Variants in CD47 observed in about 807,000 individuals in gnomAD.
CD47 encodes leukocyte surface antigen CD47.
In CD47, 11 loss-of-function variants were observed where a neutral mutation model predicts 44.6. That is an observed-to-expected ratio of 0.25 (90% CI 0.16 to 0.41). The LOEUF (loss-of-function observed/expected upper bound fraction) is 0.41. Ranked by LOEUF, CD47 falls within the 10% of genes least tolerant of loss-of-function variation. The pLI is 1.00. For synonymous variants in CD47, 140 were observed against 136.3 expected (o/e 1.03, Z -0.19); for missense variants, 306 against 386.7 (o/e 0.79, Z 1.75).
At chr3:108,090,267 G>C (rs1425505344) in intron 1 of CD47, among the ~76,000 whole-genome samples, 2 of 152,128 alleles carry the variant, frequency 1.3e-5, no homozygotes, top group Admixed American at 1.3e-4. Context: ...AAATTACACG[G>C]CCGGAAGATT....
At chr3:108,058,027 T>C (rs567193235) in intron 6 of CD47, among the ~76,000 whole-genome samples, 1 of 152,218 alleles carries the variant, frequency 6.6e-6, no homozygotes, top group Admixed American at 6.5e-5. Flanking sequence ...AACTCTTATT[T>C]ATTGGTGGTG....
intron 3 of CD47, among the ~76,000 whole-genome samples, chr3:108,066,740 T>A (rs561426404): frequency 2.9e-4 from 44 of 151,934 alleles, no homozygotes; most frequent in Non-Finnish European, 3.5e-4. Context: ...ATAAATGGAG[T>A]AAGAGAAGAA....
intron 2 of CD47, among the ~76,000 whole-genome samples, chr3:108,072,458 T>A (rs1224123137): frequency 6.6e-6 from 1 of 152,236 alleles, no homozygotes. Context: ...GTTTTATAGA[T>A]ATTAGCTTTT....
At chr3:108,090,030 C>A (rs1253598970) in intron 1 of CD47, among the ~76,000 whole-genome samples, 1 of 151,978 alleles carries the variant, frequency 6.6e-6, no homozygotes, top group Non-Finnish European at 1.5e-5. Context: ...GGTTCTTTGG[C>A]GTCGAAAAAC....
At chr3:108,049,124 C>A (rs2078777189) in intron 10 of CD47, among the ~76,000 whole-genome samples, 1 of 142,596 alleles carries the variant, frequency 7.0e-6, no homozygotes. Context: ...CTCTCTCTCT[C>A]TCTCTCTCTC....
chr3:108,058,266 GAAAA>G, intron 6 of CD47, 67 bp downstream of exon 6: 1 of 859,266 alleles, frequency 1.2e-6, no homozygotes, highest in Non-Finnish European at 1.7e-6. Flanking sequence ...AAGAGAGAAA[GAAAA>G]AGAAAAAGGA....
At chr3:108,077,835 T>C (rs1004407527) in intron 2 of CD47, among the ~76,000 whole-genome samples, 3 of 152,128 alleles carry the variant, frequency 2.0e-5, no homozygotes, top group Non-Finnish European at 4.4e-5. Flanking sequence ...TCCATTTATA[T>C]AGCATTGTTG....
At chr3:108,054,536 T>G (rs886509969) in intron 7 of CD47, 1 of 152,100 alleles carries the variant, frequency 6.6e-6, no homozygotes, top group Non-Finnish European at 1.5e-5. Flanking sequence ...GCCTAAGACA[T>G]TGACAGCCAT....
chr3:108,067,297 T>G (rs1245729867), intron 3 of CD47, among the ~76,000 whole-genome samples: 4 of 152,384 alleles, frequency 2.6e-5, no homozygotes, highest in South Asian at 2.1e-4. Flanking sequence ...GAAGATTGTT[T>G]TGCAGAATTT....
intron 8 of CD47, among the ~76,000 whole-genome samples, chr3:108,051,199 T>C (rs954704582): frequency 2.6e-5 from 4 of 152,198 alleles, no homozygotes; most frequent in African/African-American, 9.6e-5. Flanking sequence ...AAGACTCTCT[T>C]TGGCATTCCA....
chr3:108,090,917 C>T lies in CD47; in HGVS notation c.-9G>A. 2.7e-6 allele frequency: 4 copies of T among 1,472,422 alleles called. No individual in the cohort carries two copies. Among genetic ancestry groups the T allele is most frequent in the Non-Finnish European group, 3.6e-6 (4 of 1,116,280 alleles). The allele number at this position is 1,472,422 out of a possible 1,614,324, so 91.2% of individuals were successfully genotyped here. On this transcript the variant is annotated 5_prime_UTR_variant, in exon 1 of 11. Transcript: ENST00000361309. ...GCTACCAGGGGCCACATCTCCGCGC[C>T]CGCCGCGGGGTCGCCGCCGCCGCCG...
Position 108,044,187 on chromosome 3 carries a change from G to A in CD47, c.*3101C>T, listed in dbSNP as rs916852175. ...TGATTACAGCTTAATTTTTATTACT[G>A]AGATGGAGGAGTAAACTTATCGTGT... On this transcript the variant is annotated 3_prime_UTR_variant, in exon 11 of 11. Coordinates refer to ENST00000361309, the MANE Select transcript of CD47 (RefSeq NM_001777.4). 2.6e-5 allele frequency: 4 copies of A among 152,542 alleles called. No homozygotes were observed. The highest frequency in any genetic ancestry group is 9.7e-5 in the African/African-American group (4 of 41,434). 9.4% of individuals were successfully genotyped at this position (152,542 alleles called of 1,614,324 possible). A position where few individuals can be genotyped will look rare whatever the true frequency, so the allele number is the denominator to read the frequency against.
chr3:108,071,281 A>C, intron 2 of CD47, 99 bp from the exon 3 acceptor site: 1 of 575,380 alleles, frequency 1.7e-6, no homozygotes, highest in Non-Finnish European at 3.0e-6. Context: ...GAGATGGAAA[A>C]AAATTAAAAC....
At chr3:108,050,390 G>A (rs1003877487) in intron 9 of CD47, among the ~76,000 whole-genome samples, 188 bp downstream of exon 9, 15 of 152,068 alleles carry the variant, frequency 9.9e-5, no homozygotes, top group African/African-American at 3.1e-4. Context: ...TGCCGGGATC[G>A]CAAGCGTGAG....
intron 7 of CD47, among the ~76,000 whole-genome samples, chr3:108,055,976 C>T (rs147751586): frequency 3.3e-4 from 50 of 152,242 alleles, no homozygotes; most frequent in African/African-American, 1.2e-3. Flanking sequence ...GGGAGGACAA[C>T]CCAGATAGTG....
chr3:108,055,879 G>A (rs1420301662), intron 7 of CD47, among the ~76,000 whole-genome samples: 1 of 152,176 alleles, frequency 6.6e-6, no homozygotes, highest in African/African-American at 2.4e-5. Flanking sequence ...AGTTCCACTT[G>A]AGACATTGTC....
intron 2 of CD47, among the ~76,000 whole-genome samples, chr3:108,071,700 T>C (rs555395954): frequency 1.3e-5 from 2 of 152,310 alleles, no homozygotes; most frequent in African/African-American, 4.8e-5. Flanking sequence ...TTAACTAAAA[T>C]AAGTATGTAT....
rs140550852 is a variant in CD47 at position 108,061,118 on chromosome 3, G to A, written c.491-266C>T. ...GAGGTTCTATACATCAGTCTTTCTC[G>A]GTTGATGTATTACTAATAAATTGAG... On this transcript the variant is annotated intron_variant, in intron 3 of 10. Transcript: ENST00000361309. Among the ~76,000 whole-genome samples the A allele has an allele frequency of 1.9e-4, 28 of 151,044 alleles. No individual in the cohort carries two copies. In the East Asian group the frequency reaches 5.0e-3, roughly 27 times the overall value.
chr3:108,067,032 T>C (rs535003164), intron 3 of CD47, among the ~76,000 whole-genome samples: 2 of 152,326 alleles, frequency 1.3e-5, no homozygotes, highest in East Asian at 1.9e-4. Context: ...CACCAAGCCA[T>C]AGAGAAGATG....
Sources: allele counts gnomAD v4.1 joint callset (sites outside exome capture counted in the v4.1 genomes callset), GRCh38; gene constraint gnomAD v4.1.1; transcripts MANE v1.5; gene names NCBI Gene and HGNC (gene_info 2026-07-23, HGNC 2026-07-21).